TCERG1L: variants seen among roughly 807,000 people sequenced by gnomAD.
TCERG1L encodes the protein transcription elongation regulator 1 like.
TCERG1L carries 37 observed loss-of-function variants against 56.3 expected under a neutral mutation model. The observed-to-expected ratio is 0.66, with a 90% CI of 0.51 to 0.87. TCERG1L has a LOEUF of 0.87. TCERG1L is among the 40% of genes least tolerant of loss of function. TCERG1L has a pLI of 0.00. For synonymous variants in TCERG1L, 324 were observed against 326.3 expected, an observed-to-expected ratio of 0.99 and a Z score of 0.08; for missense variants, 799 against 774.2, an observed-to-expected ratio of 1.03 and a Z score of -0.38.
intron 4 of TCERG1L, among the ~76,000 whole-genome samples, chr10:131,214,037 C>T (rs1053762804): frequency 3.6e-5 from 3 of 84,408 alleles, no homozygotes; most frequent in East Asian, 1.4e-3. Flanking sequence ...ATGTTACATA[C>T]GCACACACAC....
intron 3 of TCERG1L, among the ~76,000 whole-genome samples, chr10:131,285,428 A>AG (rs1491224124): frequency 0.027 from 1,214 of 45,752 alleles, 60 homozygotes; most frequent in African/African-American, 0.058. Context: ...AGAGAGAGAG[A>AG]AAGAGAGAAA....
intron 8 of TCERG1L, among the ~76,000 whole-genome samples, chr10:131,133,354 C>T (rs1392875667): frequency 2.0e-5 from 3 of 152,136 alleles, no homozygotes; most frequent in African/African-American, 2.4e-5. Flanking sequence ...AAAGAGAAAA[C>T]GCATACGACA....
intron 8 of TCERG1L, among the ~76,000 whole-genome samples, chr10:131,117,914 G>A (rs576609725): frequency 2.0e-5 from 3 of 152,350 alleles, no homozygotes; most frequent in African/African-American, 4.8e-5. Flanking sequence ...TGCAGACGCC[G>A]TTCTTCTTGT....
intron 3 of TCERG1L, among the ~76,000 whole-genome samples, chr10:131,275,362 G>A (rs558535192): frequency 5.9e-5 from 9 of 152,332 alleles, no homozygotes; most frequent in Admixed American, 5.2e-4. Context: ...GGTACAAGGC[G>A]AGAGTGTGGT....
chr10:131,244,774 C>T (rs756616795), intron 4 of TCERG1L, among the ~76,000 whole-genome samples: 25 of 152,136 alleles, frequency 1.6e-4, no homozygotes, highest in South Asian at 4.1e-4. Context: ...AAGTCACCTG[C>T]GCACTTTCAA....
intron 4 of TCERG1L, among the ~76,000 whole-genome samples, chr10:131,231,390 G>A (rs543383947): frequency 4.6e-5 from 7 of 152,236 alleles, no homozygotes; most frequent in African/African-American, 7.2e-5. Flanking sequence ...CACCCTTACC[G>A]GCCCCTCCAG....
At chr10:131,152,679 G>A (rs1225377785) in intron 6 of TCERG1L, among the ~76,000 whole-genome samples, 1 of 152,026 alleles carries the variant, frequency 6.6e-6, no homozygotes, top group Non-Finnish European at 1.5e-5. Flanking sequence ...CCCCACTCCT[G>A]GTAAGAATTT....
Position 131,267,206 on chromosome 10 carries a change from C to T in TCERG1L, c.671-6762G>A, listed in dbSNP as rs1564829601. On this transcript the variant is annotated intron_variant, in intron 3 of 11. Transcript: ENST00000368642. The surrounding 1 kb of genome is among the most constrained non-coding windows in gnomAD (Gnocchi z 4.9). ...AGCCTCCCACCTGCGCTCATTGGTGCCCAAAGTCCAGAGAATCTGAGGCAG... is the reference window on the plus strand; with the variant it reads ...AGCCTCCCACCTGCGCTCATTGGTGTCCAAAGTCCAGAGAATCTGAGGCAG... 6.6e-6 allele frequency among the ~76,000 whole-genome samples: 1 copy of T among 152,184 alleles called. No homozygotes were observed. Among genetic ancestry groups the T allele is most frequent in the Non-Finnish European group, 1.5e-5 (1 of 68,024 alleles).
chr10:131,291,396 C>CCTTTTTTTTTTTTTTTT (rs1167056441), intron 3 of TCERG1L, among the ~76,000 whole-genome samples: 1 of 67,698 alleles, frequency 1.5e-5, no homozygotes, highest in African/African-American at 5.6e-5. Flanking sequence ...CCATAAACAG[C>CCTTTTTTTTTTTTTTTT]ATTTCTTTTT....
At chr10:131,238,313 T>C (rs1005989802) in intron 4 of TCERG1L, among the ~76,000 whole-genome samples, 1 of 152,180 alleles carries the variant, frequency 6.6e-6, no homozygotes, top group African/African-American at 2.4e-5. Flanking sequence ...TGGAGACAGT[T>C]TGCAGAAGAT....
chr10:131,213,313 G>T (rs1200726503), intron 4 of TCERG1L, among the ~76,000 whole-genome samples: 2 of 152,240 alleles, frequency 1.3e-5, no homozygotes, highest in Non-Finnish European at 2.9e-5. Context: ...ACCCGTGAAC[G>T]TGGGAGGGCT....
chr10:131,238,298 A>G (rs1188343940), intron 4 of TCERG1L, among the ~76,000 whole-genome samples: 3 of 152,198 alleles, frequency 2.0e-5, no homozygotes, highest in Non-Finnish European at 4.4e-5. Context: ...CCTGGGGATA[A>G]TATTTGGAGA....
chr10:131,241,884 A>G (rs186516707), intron 4 of TCERG1L, among the ~76,000 whole-genome samples: 1 of 152,166 alleles, frequency 6.6e-6, no homozygotes, highest in Admixed American at 6.5e-5. Flanking sequence ...TTACCGCAGC[A>G]TTTCTACAGA....
chr10:131,296,490 T>C (rs1476718740), intron 3 of TCERG1L, among the ~76,000 whole-genome samples: 1 of 152,260 alleles, frequency 6.6e-6, no homozygotes, highest in African/African-American at 2.4e-5. Context: ...TTTATTCTTA[T>C]GCTTTTGCCA....
rs555628399 is a variant in TCERG1L at position 131,305,586 on chromosome 10, C to G, written c.670+2625G>C. Among the ~76,000 whole-genome samples the G allele has an allele frequency of 2.0e-5, 3 of 152,028 alleles. 1 individual carries two copies. The highest frequency in any genetic ancestry group is 7.3e-5 in the African/African-American group (3 of 41,320). On this transcript the variant is annotated intron_variant, in intron 3 of 11. Transcript: ENST00000368642. The stretch of plus-strand genomic sequence containing the variant: ...TAAATTGCTATTATCCCTAAAACAA[C>G]AGTGCAAATTTTAAAAGTACTTAAA...
intron 4 of TCERG1L, among the ~76,000 whole-genome samples, chr10:131,205,335 C>G (rs1048101141): frequency 6.8e-6 from 1 of 146,626 alleles, no homozygotes; most frequent in African/African-American, 2.5e-5. Context: ...AGCTATGAAA[C>G]CTAAACAGGT....
Position 131,093,108 on chromosome 10 carries a change from CGCCCCCGGCACGCCCAGGGTCA to C in TCERG1L, c.*32_*53del. The C allele has an allele frequency of 6.3e-7, 1 of 1,584,006 alleles. No homozygotes were observed. The highest frequency in any genetic ancestry group is 1.7e-5 in the Admixed American group (1 of 57,174). On this transcript the variant is annotated 3_prime_UTR_variant, in exon 12 of 12. Transcript: ENST00000368642. ...GTGTCCGTCTCCACCGTGACCCCCT[CGCCCCCGGCACGCCCAGGGTCA>C]ACCCCCGGGCTTATTGCATTTTTTC...
intron 4 of TCERG1L, among the ~76,000 whole-genome samples, chr10:131,195,925 T>C (rs1845357641): frequency 1.3e-5 from 2 of 152,192 alleles, no homozygotes; most frequent in Admixed American, 1.3e-4. Flanking sequence ...CTGGAGCTCC[T>C]TGGAGAACAC....
At chr10:131,120,816 C>T (rs967568205) in intron 8 of TCERG1L, among the ~76,000 whole-genome samples, 3 of 152,220 alleles carry the variant, frequency 2.0e-5, no homozygotes, top group Non-Finnish European at 1.5e-5. Flanking sequence ...ATCGACCTCT[C>T]GGAGCGACCC....
Sources: gnomAD v4.1 joint callset for allele counts (sites outside exome capture counted in the v4.1 genomes callset) on GRCh38, gnomAD v4.1.1 for gene constraint, Gnocchi (gnomAD v3.1) non-coding constraint, MANE v1.5 for transcripts, NCBI Gene and HGNC (gene_info 2026-07-23, HGNC 2026-07-21) for gene names.